Variants in XRN1 observed in about 807,000 individuals in gnomAD.
XRN1 encodes strand-exchange protein 1 homolog.
A neutral mutation model predicts 222.3 loss-of-function variants in XRN1; 67 were observed. The ratio of observed to expected loss-of-function variants is 0.30; its 90% CI spans 0.25 to 0.37. XRN1 has a LOEUF of 0.37. XRN1 is among the 10% of genes least tolerant of loss of function. The pLI, the probability that XRN1 is intolerant of heterozygous loss-of-function variation, is 1.00. For synonymous variants in XRN1, 643 were observed against 652.4 expected (o/e 0.99, Z 0.22); for missense variants, 1,707 against 2,000.2 (o/e 0.85, Z 2.80).
intron 21 of XRN1, among the ~76,000 whole-genome samples, chr3:142,384,286 A>C (rs1173280732): frequency 2.1e-5 from 3 of 144,922 alleles, no homozygotes; most frequent in Non-Finnish European, 4.5e-5. Context: ...AAAAAAAAAG[A>C]AAAAAAAAAA....
chr3:142,329,620 C>G lies in XRN1; in HGVS notation c.4223-5G>C, dbSNP rs2065633529. ...GAGGCTTGTTCATATAAGATGCTACCAAAAAAGAGAAAAGAGTCTATCTTT... is the reference window on the plus strand; with the variant it reads ...GAGGCTTGTTCATATAAGATGCTACGAAAAAAGAGAAAAGAGTCTATCTTT... On this transcript the variant is annotated splice_region_variant and splice_polypyrimidine_tract_variant and intron_variant, in intron 36 of 40. Transcript: ENST00000392981. The G allele has an allele frequency of 6.6e-7, 1 of 1,526,002 alleles. No homozygotes were observed. Among genetic ancestry groups the G allele is most frequent in the African/African-American group, 1.5e-5 (1 of 68,708 alleles). The allele number at this position is 1,526,002 out of a possible 1,614,324, so 94.5% of individuals were successfully genotyped here.
At chr3:142,366,267 C>CAGTG (rs1010259696) in intron 27 of XRN1, among the ~76,000 whole-genome samples, 1 of 152,148 alleles carries the variant, frequency 6.6e-6, no homozygotes, top group Non-Finnish European at 1.5e-5. Context: ...AATTATATGG[C>CAGTG]AGTCACCTCT....
rs893784789 is a variant in XRN1, at chr3:142,311,365, G to T, written c.*146C>A. ...CACAGTCTTTTAAACAGCATGAAAA[G>T]TGCCTGATAACTTAAAAATGAAAAA... On this transcript the variant is annotated 3_prime_UTR_variant, in exon 41 of 41. Transcript: ENST00000392981. The T allele has an allele frequency of 5.6e-6, 4 of 712,510 alleles. No individual in the cohort carries two copies. In the African/African-American group the frequency reaches 7.1e-5, roughly 13 times the overall value. The allele number at this position is 712,510 out of a possible 1,614,324, so 44.1% of individuals were successfully genotyped here. A position where few individuals can be genotyped will look rare whatever the true frequency, so the allele number is the denominator to read the frequency against.
At chr3:142,419,368 A>G (rs1339833690) in intron 10 of XRN1, among the ~76,000 whole-genome samples, 1 of 152,176 alleles carries the variant, frequency 6.6e-6, no homozygotes, top group African/African-American at 2.4e-5. Context: ...AGTGGAATGC[A>G]GACTGACTGC....
intron 37 of XRN1, 100 bp from the exon 38 acceptor site, chr3:142,319,003 T>G: frequency 2.9e-6 from 3 of 1,023,004 alleles, no homozygotes; most frequent in Non-Finnish European, 4.1e-6. Context: ...TATCAAGAAT[T>G]TAAAAAAGGG....
chr3:142,343,538 T>C (rs2066057268), intron 33 of XRN1, among the ~76,000 whole-genome samples: 1 of 152,046 alleles, frequency 6.6e-6, no homozygotes, highest in Non-Finnish European at 1.5e-5. Context: ...TGAGATATCA[T>C]GTCACCGCAG....
intron 2 of XRN1, among the ~76,000 whole-genome samples, chr3:142,428,059 A>G (rs1036000779): frequency 2.2e-4 from 34 of 152,106 alleles, no homozygotes; most frequent in African/African-American, 8.0e-4. Flanking sequence ...ACGATTATTC[A>G]ATGTTGTTAT....
chr3:142,396,569 T>G (rs998591294), intron 20 of XRN1, among the ~76,000 whole-genome samples: 2 of 152,188 alleles, frequency 1.3e-5, no homozygotes, highest in Non-Finnish European at 2.9e-5. Flanking sequence ...TCCTTTGGTG[T>G]TGGATGGTTT....
chr3:142,425,425 T>C lies in XRN1; in HGVS notation c.516+4A>G. The C allele has an allele frequency of 1.9e-6, 3 of 1,603,088 alleles. No individual in the cohort carries two copies. The highest frequency in any genetic ancestry group is 2.6e-6 in the Non-Finnish European group (3 of 1,174,742). On this transcript the variant is annotated splice_donor_region_variant and intron_variant, in intron 4 of 40. Transcript: ENST00000392981. The stretch of plus-strand genomic sequence containing the variant: ...AAACTCTTTAAATAAAAAAAGATAA[T>C]AACCTCATGGCCTGAGAAGTAGATG...
chr3:142,442,771 T>C (rs1007200441), intron 1 of XRN1, among the ~76,000 whole-genome samples: 1 of 152,202 alleles, frequency 6.6e-6, no homozygotes, highest in African/African-American at 2.4e-5. Context: ...TCTCGCTCTG[T>C]TGCCCAGGCT....
At position 142,394,668 on chromosome 3, in the gene XRN1, C is replaced by T. The variant is rs191926498; in HGVS notation, c.2339+2661G>A. Among the ~76,000 whole-genome samples, 410 of 152,322 alleles carry T rather than the reference C, an allele frequency of 2.7e-3. 6 individuals are homozygous for T. The highest frequency in any genetic ancestry group is 9.4e-3 in the African/African-American group (389 of 41,572). The stretch of plus-strand genomic sequence containing the variant: ...TTAAAACAGAGGAGCTATCTCATAT[C>T]CTATTTAAGAATCCATCTCCTTCCA... On this transcript the variant is annotated intron_variant, in intron 20 of 40. Transcript: ENST00000392981.
chr3:142,406,841 A>G (rs1482470935), intron 15 of XRN1, among the ~76,000 whole-genome samples: 1 of 152,166 alleles, frequency 6.6e-6, no homozygotes, highest in Non-Finnish European at 1.5e-5. Context: ...CTGGAGGATG[A>G]GCACAACAGT....
Position 142,332,365 on chromosome 3 carries a change from GT to G in XRN1, c.4222+9del. ...ATGATATTATTGGTAATAGTATTTA[GT>G]TTACTTACCTAATTTCTTATTTTGT... On this transcript the variant is annotated intron_variant, in intron 36 of 40. Coordinates refer to ENST00000392981, the MANE Select transcript of XRN1 (RefSeq NM_001282857.2). The G allele has an allele frequency of 6.4e-7, 1 of 1,562,512 alleles. No individual in the cohort carries two copies. The highest frequency in any genetic ancestry group is 8.7e-7 in the Non-Finnish European group (1 of 1,144,398).
intron 18 of XRN1, among the ~76,000 whole-genome samples, chr3:142,402,543 T>C (rs1260455949): frequency 6.6e-6 from 1 of 152,162 alleles, no homozygotes; most frequent in African/African-American, 2.4e-5. Context: ...TACGTCTACT[T>C]TCTCTGTTCT....
chr3:142,410,903 T>C (rs1434694598), intron 15 of XRN1, among the ~76,000 whole-genome samples: 1 of 152,200 alleles, frequency 6.6e-6, no homozygotes, highest in Non-Finnish European at 1.5e-5. Context: ...AATATGCTAG[T>C]CTAATAAAAT....
In XRN1 at chr3:142,375,723, A is replaced by C. The variant is rs1003520911; in HGVS notation, c.2978+75T>G. The C allele has an allele frequency of 9.4e-6, 13 of 1,387,578 alleles. No homozygotes were observed. In the African/African-American group the frequency reaches 1.9e-4, roughly 21 times the overall value. 86.0% of individuals were successfully genotyped at this position (1,387,578 alleles called of 1,614,324 possible). A position where few individuals can be genotyped will look rare whatever the true frequency, so the allele number is the denominator to read the frequency against. ...ATGGAAATATTTGTCCTCTAAAACT[A>C]ATATCAGGAAGGCAAAATAAACAGT... On this transcript the variant is annotated intron_variant, in intron 25 of 40. Coordinates refer to ENST00000392981, the MANE Select transcript of XRN1 (RefSeq NM_001282857.2).
intron 33 of XRN1, among the ~76,000 whole-genome samples, chr3:142,337,283 T>G (rs952953899): frequency 2.0e-5 from 3 of 152,166 alleles, no homozygotes; most frequent in Non-Finnish European, 4.4e-5. Flanking sequence ...TCTATCCTCT[T>G]AATCTGTTTT....
intron 14 of XRN1, among the ~76,000 whole-genome samples, 174 bp from the exon 15 acceptor site, chr3:142,412,837 A>T (rs996014117): frequency 6.6e-6 from 1 of 152,216 alleles, no homozygotes; most frequent in African/African-American, 2.4e-5. Context: ...ATTTTCAACT[A>T]TAAGAATTCT....
Position 142,404,006 on chromosome 3 carries a change from G to C in XRN1, c.1884-17C>G. ...ATTTTATACCTAGAAAATAAATCAA[G>C]GCATTTAATTTAAAATTAATACATT... On this transcript the variant is annotated splice_polypyrimidine_tract_variant and intron_variant, in intron 16 of 40. Coordinates refer to ENST00000392981, the MANE Select transcript of XRN1 (RefSeq NM_001282857.2). 6.5e-7 allele frequency: 1 copy of C among 1,538,754 alleles called. No homozygotes were observed.
Sources: gnomAD v4.1 joint callset for allele counts (sites outside exome capture counted in the v4.1 genomes callset) on GRCh38, gnomAD v4.1.1 for gene constraint, MANE v1.5 for transcripts, NCBI Gene and HGNC (gene_info 2026-07-23, HGNC 2026-07-21) for gene names.